NIPSNAP1: variants seen among roughly 807,000 people sequenced by gnomAD.
The protein encoded by NIPSNAP1 is protein NipSnap homolog 1.
In NIPSNAP1, 25 loss-of-function variants were observed where a neutral mutation model predicts 49.2. That is an observed-to-expected ratio of 0.51 (90% CI 0.37 to 0.71). The LOEUF (loss-of-function observed/expected upper bound fraction) is 0.71. Ranked by LOEUF, NIPSNAP1 falls within the 30% of genes least tolerant of loss-of-function variation. The pLI, the probability that NIPSNAP1 is intolerant of heterozygous loss-of-function variation, is 0.00. For missense variants in NIPSNAP1, 294 were observed against 361.0 expected, an observed-to-expected ratio of 0.81 and a Z score of 1.50; for synonymous variants, 143 against 140.7, an observed-to-expected ratio of 1.02 and a Z score of -0.12.
At chr22:29,565,477 C>T (rs1382626423) in intron 4 of NIPSNAP1, among the ~76,000 whole-genome samples, 1 of 152,134 alleles carries the variant, frequency 6.6e-6, no homozygotes, top group Non-Finnish European at 1.5e-5. Context: ...CACGCCACTG[C>T]ACTCCAGCCT....
intron 1 of NIPSNAP1, among the ~76,000 whole-genome samples, chr22:29,575,697 G>C (rs1459775346): frequency 1.4e-5 from 2 of 145,564 alleles, no homozygotes; most frequent in African/African-American, 5.1e-5. Context: ...AGGATTGCTT[G>C]AACCCAGGAG....
chr22:29,555,847 A>T lies in NIPSNAP1; in HGVS notation c.*88T>A. Reference sequence around the variant, plus strand: ...CCCTCAGAGTCCTCCCAGAGCCAAGACAAAACCAAGACAGCAGGACCAGGA... The same window carrying T: ...CCCTCAGAGTCCTCCCAGAGCCAAGTCAAAACCAAGACAGCAGGACCAGGA... On this transcript the variant is annotated 3_prime_UTR_variant, in exon 10 of 10. Transcript: ENST00000216121. 7.8e-7 allele frequency: 1 copy of T among 1,283,736 alleles called. No individual in the cohort carries two copies. Among genetic ancestry groups the T allele is most frequent in the Non-Finnish European group, 1.1e-6 (1 of 902,812 alleles). The allele number at this position is 1,283,736 out of a possible 1,614,324, so 79.5% of individuals were successfully genotyped here. A position where few individuals can be genotyped will look rare whatever the true frequency, so the allele number is the denominator to read the frequency against.
At chr22:29,563,306 G>C (rs2064348968) in intron 4 of NIPSNAP1, among the ~76,000 whole-genome samples, 1 of 151,692 alleles carries the variant, frequency 6.6e-6, no homozygotes, top group South Asian at 2.1e-4. Context: ...GAGGCAGGTG[G>C]ATCATCTGAA....
chr22:29,580,096 C>T (rs1289024123), intron 1 of NIPSNAP1: 1 of 1,304,078 alleles, frequency 7.7e-7, no homozygotes, highest in South Asian at 1.2e-5. Flanking sequence ...CAGGTGGCCT[C>T]ACTTCTTTGG....
chr22:29,565,278 G>A (rs1424881161), intron 4 of NIPSNAP1, among the ~76,000 whole-genome samples: 1 of 152,156 alleles, frequency 6.6e-6, no homozygotes, highest in Non-Finnish European at 1.5e-5. Flanking sequence ...TTGGGAGGCC[G>A]AGGCAGGTGG....
At chr22:29,563,527 A>G (rs1048711169) in intron 4 of NIPSNAP1, among the ~76,000 whole-genome samples, 1 of 152,186 alleles carries the variant, frequency 6.6e-6, no homozygotes, top group African/African-American at 2.4e-5. Flanking sequence ...ACTCCGTCTC[A>G]AAAAATAAAT....
chr22:29,569,065 T>C (rs924110471), intron 4 of NIPSNAP1, 128 bp downstream of exon 4: 1 of 738,474 alleles, frequency 1.4e-6, no homozygotes, highest in Non-Finnish European at 2.4e-6. Flanking sequence ...GGGAGTGAGG[T>C]GATGAGGTTT....
intron 1 of NIPSNAP1, among the ~76,000 whole-genome samples, chr22:29,572,666 G>T (rs962852354): frequency 6.6e-6 from 1 of 152,004 alleles, no homozygotes; most frequent in Non-Finnish European, 1.5e-5. Context: ...TGGGCATGAC[G>T]GTATGTGCCT....
intron 5 of NIPSNAP1, 24 bp downstream of exon 5, chr22:29,561,768 T>A: frequency 1.2e-6 from 2 of 1,613,666 alleles, no homozygotes; most frequent in Middle Eastern, 3.3e-4. Flanking sequence ...TCCAGAGAGG[T>A]GTGCTGAGTG....
chr22:29,561,271 A>G (rs1167959834), intron 6 of NIPSNAP1, 69 bp from the exon 7 acceptor site: 3 of 1,587,936 alleles, frequency 1.9e-6, no homozygotes. Flanking sequence ...CAGCTTGGCA[A>G]GGAAGGGAAA....
chr22:29,579,728 A>G (rs2064483570), intron 1 of NIPSNAP1: 1 of 214,148 alleles, frequency 4.7e-6, no homozygotes, highest in African/African-American at 2.2e-5. Context: ...ATACCCGACC[A>G]ACCACAGCAT....
chr22:29,574,289 A>AAAGAAAAGAAAGAAAAAG (rs2064434434), intron 1 of NIPSNAP1, among the ~76,000 whole-genome samples: 4 of 125,322 alleles, frequency 3.2e-5, no homozygotes, highest in Non-Finnish European at 4.9e-5. Context: ...AAAAAAAAAA[A>AAAGAAAAGAAAGAAAAAG]AAAGAAAGAA....
In NIPSNAP1 at chr22:29,560,241, C is replaced by T. The variant is rs963630487; in HGVS notation, c.706+493G>A. Among the ~76,000 whole-genome samples, 1,445 of 145,318 alleles carry T rather than the reference C, an allele frequency of 9.9e-3. 23 individuals are homozygous for T. Among genetic ancestry groups the T allele is most frequent in the Non-Finnish European group, 0.012 (780 of 66,686 alleles). Reference sequence around the variant, plus strand: ...GTTTTTCACCATCATCTCTCCCTGCCTTTTTTTTTTTTCTTCTTTTTTTTT... The same window carrying T: ...GTTTTTCACCATCATCTCTCCCTGCTTTTTTTTTTTTTCTTCTTTTTTTTT... On this transcript the variant is annotated intron_variant, in intron 8 of 9. Coordinates refer to ENST00000216121, the MANE Select transcript of NIPSNAP1 (RefSeq NM_003634.4).
At chr22:29,561,448 A>G in intron 6 of NIPSNAP1, 58 bp downstream of exon 6, 1 of 1,611,184 alleles carries the variant, frequency 6.2e-7, no homozygotes, top group Non-Finnish European at 8.5e-7. Context: ...GGCAGCTGCA[A>G]AGCAGCATTG....
At chr22:29,568,003 C>A (rs959838399) in intron 4 of NIPSNAP1, among the ~76,000 whole-genome samples, 1 of 150,704 alleles carries the variant, frequency 6.6e-6, no homozygotes, top group Non-Finnish European at 1.5e-5. Flanking sequence ...CATGGAGAAA[C>A]CCCGTCTCTA....
At chr22:29,572,313 A>AG in intron 1 of NIPSNAP1, among the ~76,000 whole-genome samples, 1 of 151,828 alleles carries the variant, frequency 6.6e-6, no homozygotes, top group East Asian at 1.9e-4. Flanking sequence ...AAAAAAAAAA[A>AG]AAAAAAAAAG....
At chr22:29,559,264 G>A (rs2064317344) in intron 8 of NIPSNAP1, among the ~76,000 whole-genome samples, 1 of 152,156 alleles carries the variant, frequency 6.6e-6, no homozygotes, top group African/African-American at 2.4e-5. Context: ...CTTCCGGCTA[G>A]GTGCGGTGGC....
rs200963613 is a variant in NIPSNAP1, at chr22:29,558,972, C to T, written c.707-19G>A. 4.9e-5 allele frequency: 78 copies of T among 1,591,534 alleles called. No homozygotes were observed. In the Admixed American group the frequency reaches 1.0e-3, roughly 21 times the overall value. On this transcript the variant is annotated intron_variant, in intron 8 of 9. Transcript: ENST00000216121. ...TTATAGGCTGTGAGAAAGGCACAGGCTCATTCCTCAGGCACAGAGGACTGG... is the reference window on the plus strand; with the variant it reads ...TTATAGGCTGTGAGAAAGGCACAGGTTCATTCCTCAGGCACAGAGGACTGG...
In NIPSNAP1 at chr22:29,561,218, A is replaced by C. The variant is rs928321784; in HGVS notation, c.580-16T>G. 2 of 1,612,946 alleles carry C rather than the reference A, an allele frequency of 1.2e-6. No individual in the cohort carries two copies. The highest frequency in any genetic ancestry group is 2.7e-5 in the African/African-American group (2 of 74,912). ...TGGTTCCTGGCTGAAAGAGAACCAAAGGGATGATGGGAATGAGCCCCCACC... is the reference window on the plus strand; with the variant it reads ...TGGTTCCTGGCTGAAAGAGAACCAACGGGATGATGGGAATGAGCCCCCACC... On this transcript the variant is annotated splice_polypyrimidine_tract_variant and intron_variant, in intron 6 of 9. Transcript: ENST00000216121.
Sources: gnomAD v4.1 joint callset for allele counts (sites outside exome capture counted in the v4.1 genomes callset) on GRCh38, gnomAD v4.1.1 for gene constraint, MANE v1.5 for transcripts, NCBI Gene and HGNC (gene_info 2026-07-23, HGNC 2026-07-21) for gene names.